Variants in ENOX1 observed in about 807,000 individuals in gnomAD.
The protein encoded by ENOX1 is ecto-NOX disulfide-thiol exchanger 1.
Under a neutral mutation model 82.5 loss-of-function variants are expected in ENOX1, and 42 were observed. That is an observed-to-expected ratio of 0.51 (90% CI 0.40 to 0.66). The LOEUF is 0.66. Among genes scored for constraint, ENOX1 ranks in the 30% least tolerant of loss-of-function variants. ENOX1 has a pLI of 0.00. For synonymous variants in ENOX1, 271 were observed against 282.2 expected, an observed-to-expected ratio of 0.96 and a Z score of 0.40; for missense variants, 608 against 811.6, an observed-to-expected ratio of 0.75 and a Z score of 3.05.
intron 14 of ENOX1, among the ~76,000 whole-genome samples, chr13:43,254,077 G>C (rs1391877242): frequency 1.3e-5 from 2 of 152,038 alleles, no homozygotes; most frequent in Non-Finnish European, 2.9e-5. Context: ...TTAATTTTGG[G>C]GTTGGGTTAG....
intron 2 of ENOX1, among the ~76,000 whole-genome samples, chr13:43,606,659 G>A (rs2081986596): frequency 6.6e-6 from 1 of 152,070 alleles, no homozygotes; most frequent in Admixed American, 6.6e-5. Context: ...AAGAATAGTA[G>A]GAGCAGGGGG....
rs10555409 is a variant in ENOX1, at chr13:43,310,197, C to CAAA, written c.1262-11670_1262-11668dup. On this transcript the variant is annotated intron_variant, in intron 11 of 16. Transcript: ENST00000690772. ...CTGGTGACAGAGCGAGATTCCATCT[C>CAAA]AAAAAAAAAAAAAAAAAAAAAAAAA... Among the ~76,000 whole-genome samples the CAAA allele has an allele frequency of 1.8e-4, 15 of 82,608 alleles. 7 individuals carry two copies. Among genetic ancestry groups the CAAA allele is most frequent in the Admixed American group, 2.7e-4 (2 of 7,460 alleles). The allele number at this position is 82,608 out of a possible 152,430, so 54.2% of individuals were successfully genotyped here. A position where few individuals can be genotyped will look rare whatever the true frequency, so the allele number is the denominator to read the frequency against.
intron 2 of ENOX1, among the ~76,000 whole-genome samples, chr13:43,639,307 T>C (rs2083534130): frequency 6.6e-6 from 1 of 151,702 alleles, no homozygotes; most frequent in African/African-American, 2.4e-5. Flanking sequence ...ACCTCAAAAA[T>C]AAAAAATAAA....
chr13:43,259,538 G>A (rs1004214718), intron 14 of ENOX1, among the ~76,000 whole-genome samples: 1 of 152,084 alleles, frequency 6.6e-6, no homozygotes, highest in Admixed American at 6.5e-5. Context: ...GTGCGATCTC[G>A]GCTTACTGCT....
chr13:43,408,467 G>A (rs2053927968), intron 5 of ENOX1, among the ~76,000 whole-genome samples: 1 of 152,124 alleles, frequency 6.6e-6, no homozygotes, highest in South Asian at 2.1e-4. Context: ...GTTTTAAAGA[G>A]GATTTCTTGG....
intron 2 of ENOX1, among the ~76,000 whole-genome samples, chr13:43,647,649 C>T (rs190519779): frequency 2.0e-5 from 3 of 152,284 alleles, no homozygotes; most frequent in South Asian, 2.1e-4. Flanking sequence ...CCCTATACCC[C>T]CTTTGTGAAT....
chr13:43,526,039 T>C (rs921557820), intron 2 of ENOX1, among the ~76,000 whole-genome samples: 3 of 152,166 alleles, frequency 2.0e-5, no homozygotes, highest in African/African-American at 7.2e-5. Context: ...AGATGGTGCC[T>C]GTTGATTTGA....
intron 11 of ENOX1, among the ~76,000 whole-genome samples, 176 bp from the exon 12 acceptor site, chr13:43,298,706 C>G (rs572893414): frequency 1.5e-4 from 23 of 152,290 alleles, no homozygotes; most frequent in African/African-American, 5.5e-4. Flanking sequence ...TCACTTCTCT[C>G]GGAACTTTTA....
chr13:43,563,387 AAC>A (rs1227987726), intron 2 of ENOX1, among the ~76,000 whole-genome samples: 11 of 152,162 alleles, frequency 7.2e-5, no homozygotes, highest in Admixed American at 7.2e-4. Flanking sequence ...TTACAGAGAA[AAC>A]AGTTAGAAAA....
At chr13:43,770,607 T>C (rs1951530397) in intron 1 of ENOX1, among the ~76,000 whole-genome samples, 1 of 151,890 alleles carries the variant, frequency 6.6e-6, no homozygotes, top group Admixed American at 6.6e-5. Flanking sequence ...TGAGTTATTA[T>C]GAAAAAATGG....
At chr13:43,601,469 G>T (rs912182908) in intron 2 of ENOX1, among the ~76,000 whole-genome samples, 38 of 152,066 alleles carry the variant, frequency 2.5e-4, no homozygotes, top group African/African-American at 9.2e-4. Context: ...CTTGGAGACA[G>T]ACTTATTGGG....
chr13:43,740,507 G>A (rs1247247287), intron 1 of ENOX1, among the ~76,000 whole-genome samples: 2 of 151,824 alleles, frequency 1.3e-5, no homozygotes, highest in East Asian at 1.9e-4. Flanking sequence ...TAAGTTCAGG[G>A]GTACAAGTGC....
intron 2 of ENOX1, among the ~76,000 whole-genome samples, chr13:43,598,967 C>CA (rs2081587123): frequency 1.3e-5 from 2 of 152,226 alleles, no homozygotes; most frequent in South Asian, 4.2e-4. Flanking sequence ...AATGTGTTAA[C>CA]AGTGCCTTAA....
intron 2 of ENOX1, among the ~76,000 whole-genome samples, chr13:43,570,661 G>A (rs970786380): frequency 6.6e-6 from 1 of 152,094 alleles, no homozygotes; most frequent in Non-Finnish European, 1.5e-5. Context: ...CAAAAGCCCG[G>A]GATAGAACAA....
At chr13:43,587,809 TAC>T (rs2081063719) in intron 2 of ENOX1, among the ~76,000 whole-genome samples, 2 of 152,312 alleles carry the variant, frequency 1.3e-5, no homozygotes, top group South Asian at 4.1e-4. Context: ...TAAAAATAAA[TAC>T]AGTTATTCTT....
In ENOX1 at chr13:43,269,587, T is replaced by G. The variant is rs1428521559; in HGVS notation, c.1447-10A>C. 6.2e-7 allele frequency: 1 copy of G among 1,603,090 alleles called. No individual in the cohort carries two copies. Among genetic ancestry groups the G allele is most frequent in the Admixed American group, 1.7e-5 (1 of 59,986 alleles). The stretch of plus-strand genomic sequence containing the variant: ...GGATGGTTAGCAATTGCTGTGAAAT[T>G]AAAGGATATTTAGCATAAGTAGGAT... On this transcript the variant is annotated splice_polypyrimidine_tract_variant and intron_variant, in intron 12 of 16. Transcript: ENST00000690772.
chr13:43,269,910 A>G (rs1043130633), intron 12 of ENOX1, among the ~76,000 whole-genome samples: 2 of 152,214 alleles, frequency 1.3e-5, no homozygotes, highest in African/African-American at 4.8e-5. Context: ...TAATATAGTC[A>G]ACTTGTCCAA....
At chr13:43,439,041 CTTTT>C (rs61212622) in intron 3 of ENOX1, among the ~76,000 whole-genome samples, 4 of 120,142 alleles carry the variant, frequency 3.3e-5, no homozygotes, top group African/African-American at 6.2e-5. Context: ...GTCTTTTAAT[CTTTT>C]TTTTTTTTTT....
intron 2 of ENOX1, among the ~76,000 whole-genome samples, chr13:43,663,979 G>A (rs940354495): frequency 2.0e-5 from 3 of 152,174 alleles, no homozygotes; most frequent in African/African-American, 7.2e-5. Context: ...ATCAGAGGGA[G>A]AGGCAGAAGA....
Sources: allele counts gnomAD v4.1 joint callset (sites outside exome capture counted in the v4.1 genomes callset), GRCh38; gene constraint gnomAD v4.1.1; transcripts MANE v1.5; gene names NCBI Gene and HGNC (gene_info 2026-07-23, HGNC 2026-07-21).